PIWIL3: variants seen among roughly 807,000 people sequenced by gnomAD.
PIWIL3 encodes the protein piwi like RNA-mediated gene silencing 3, also known as piwi-like protein 3.
Under a neutral mutation model 109.7 loss-of-function variants are expected in PIWIL3, and 101 were observed. The observed-to-expected ratio is 0.92, with a 90% confidence interval of 0.78 to 1.09. PIWIL3 has a LOEUF of 1.09. Among genes scored for constraint, PIWIL3 ranks in the 50% least tolerant of loss-of-function variants. The probability of loss-of-function intolerance (pLI) is 0.00; values close to 1 mark genes in which losing one functional copy is unlikely to be tolerated. For synonymous variants in PIWIL3, 373 were observed against 376.4 expected (o/e 0.99, Z 0.10); for missense variants, 1,031 against 1,072.6 (o/e 0.96, Z 0.54).
At chr22:24,743,153 C>T (rs1385589511) in intron 12 of PIWIL3, among the ~76,000 whole-genome samples, 3 of 151,898 alleles carry the variant, frequency 2.0e-5, no homozygotes, top group Non-Finnish European at 2.9e-5. Context: ...AATGCAATAC[C>T]GCCTTACTCC....
intron 9 of PIWIL3, among the ~76,000 whole-genome samples, 179 bp from the exon 10 acceptor site, chr22:24,749,998 A>G (rs566892000): frequency 2.8e-4 from 43 of 152,352 alleles, no homozygotes; most frequent in Non-Finnish European, 4.7e-4. Context: ...TACCTTTGAT[A>G]TGCCACGGAT....
intron 1 of PIWIL3, among the ~76,000 whole-genome samples, chr22:24,770,460 T>C (rs551459987): frequency 2.6e-5 from 4 of 152,158 alleles, no homozygotes; most frequent in African/African-American, 7.2e-5. Context: ...CCCCAGACAC[T>C]CCTTGTACCA....
At chr22:24,737,686 G>C (rs896216488) in intron 12 of PIWIL3, among the ~76,000 whole-genome samples, 6 of 152,186 alleles carry the variant, frequency 3.9e-5, no homozygotes, top group African/African-American at 1.4e-4. Context: ...TGGCATTTCT[G>C]GACCTGCCTG....
chr22:24,748,109 A>C (rs1188227399), intron 12 of PIWIL3, among the ~76,000 whole-genome samples: 2 of 152,166 alleles, frequency 1.3e-5, no homozygotes, highest in African/African-American at 4.8e-5. Context: ...TAAAAAAAAC[A>C]ATGAGACCCT....
chr22:24,728,426 G>A (rs752520170), intron 14 of PIWIL3, 52 bp from the exon 15 acceptor site: 2 of 1,606,172 alleles, frequency 1.2e-6, no homozygotes, highest in South Asian at 2.2e-5. Flanking sequence ...CAGTGATACA[G>A]GAAAGAAAAA....
intron 12 of PIWIL3, among the ~76,000 whole-genome samples, chr22:24,738,289 C>A (rs5751967): frequency 0.64 from 97,882 of 151,866 alleles, 32,230 homozygotes; most frequent in East Asian, 0.82. Flanking sequence ...TGACTCCTGA[C>A]TGGCATTTCT....
rs1922979167 is a variant in PIWIL3, at chr22:24,726,121, GT to G, written c.2010-607del. 3.9e-5 allele frequency among the ~76,000 whole-genome samples: 6 copies of G among 152,268 alleles called. No individual in the cohort carries two copies. The South Asian group carries it at 1.2e-3, about 32-fold the overall frequency. ...TCGGCTCCACATTTTCACTGCTAGT[GT>G]CAGCATCTGAACATGGTAGCCACTC... On this transcript the variant is annotated intron_variant, in intron 16 of 20. Coordinates refer to ENST00000616349, the MANE Select transcript of PIWIL3 (RefSeq NM_001255975.1).
At chr22:24,750,192 G>C (rs1479117642) in intron 9 of PIWIL3, among the ~76,000 whole-genome samples, 1 of 152,060 alleles carries the variant, frequency 6.6e-6, no homozygotes, top group South Asian at 2.1e-4. Flanking sequence ...TTAAAGAGGG[G>C]CTGTAAGCCA....
At chr22:24,774,052 C>T (rs142882294) in intron 1 of PIWIL3, among the ~76,000 whole-genome samples, 1 of 152,272 alleles carries the variant, frequency 6.6e-6, no homozygotes, top group East Asian at 1.9e-4. Context: ...ACATACTCCA[C>T]ATGCTCAAAT....
At chr22:24,770,139 G>A (rs773773002) in intron 1 of PIWIL3, among the ~76,000 whole-genome samples, 5 of 152,198 alleles carry the variant, frequency 3.3e-5, no homozygotes, top group African/African-American at 1.2e-4. Context: ...GCATTTCATC[G>A]TAACAGCTTT....
chr22:24,738,623 A>C (rs1923802361), intron 12 of PIWIL3, among the ~76,000 whole-genome samples: 1 of 152,244 alleles, frequency 6.6e-6, no homozygotes. Flanking sequence ...CAAGATCATC[A>C]AGGTGATATC....
intron 9 of PIWIL3, among the ~76,000 whole-genome samples, chr22:24,750,789 A>G (rs1924663521): frequency 6.7e-6 from 1 of 148,866 alleles, no homozygotes; most frequent in Non-Finnish European, 1.5e-5. Context: ...CGCCCGGCCC[A>G]TATTTGATTA....
chr22:24,725,847 G>A (rs1461032704), intron 16 of PIWIL3, among the ~76,000 whole-genome samples: 1 of 150,278 alleles, frequency 6.7e-6, no homozygotes, highest in Non-Finnish European at 1.5e-5. Flanking sequence ...CCTGCTTTGG[G>A]ACCAATGCCC....
chr22:24,761,336 G>T (rs560728684), intron 2 of PIWIL3, among the ~76,000 whole-genome samples: 1 of 152,244 alleles, frequency 6.6e-6, no homozygotes, highest in East Asian at 1.9e-4. Context: ...AAGTGGGGGT[G>T]GTCAGTGATG....
In PIWIL3 at chr22:24,734,424, G is replaced by T. The variant is rs540576557; in HGVS notation, c.1635-268C>A. 3.3e-5 allele frequency among the ~76,000 whole-genome samples: 5 copies of T among 152,276 alleles called. No homozygotes were observed. The South Asian group carries it at 6.2e-4, about 19-fold the overall frequency. On this transcript the variant is annotated intron_variant, in intron 13 of 20. Transcript: ENST00000616349. ...CAGCTCTCCTAGGATTTTCAAGAGAGGTGAGGACACAGGGCAAATCACTGC... is the reference window on the plus strand; with the variant it reads ...CAGCTCTCCTAGGATTTTCAAGAGATGTGAGGACACAGGGCAAATCACTGC...
chr22:24,752,513 G>A (rs1487091283), intron 8 of PIWIL3, among the ~76,000 whole-genome samples: 1 of 152,038 alleles, frequency 6.6e-6, no homozygotes, highest in African/African-American at 2.4e-5. Flanking sequence ...ACCTCCTCAA[G>A]CCCCTCTATA....
rs577916793 is a variant in PIWIL3, at chr22:24,719,230, C to A, written c.*242G>T. 10 of 226,924 alleles carry A rather than the reference C, an allele frequency of 4.4e-5. No homozygotes were observed. Among genetic ancestry groups the A allele is most frequent in the Non-Finnish European group, 8.6e-5 (10 of 116,214 alleles). The allele number at this position is 226,924 out of a possible 1,614,324, so 14.1% of individuals were successfully genotyped here. A position where few individuals can be genotyped will look rare whatever the true frequency, so the allele number is the denominator to read the frequency against. On this transcript the variant is annotated 3_prime_UTR_variant, in exon 21 of 21. Transcript: ENST00000616349. ...GTTCAGTCACGTTCAGCTGTGAGAT[C>A]TCTGTCACATATTTGAAAGGGAAAC...
At chr22:24,742,415 T>C (rs1419947997) in intron 12 of PIWIL3, among the ~76,000 whole-genome samples, 1 of 151,992 alleles carries the variant, frequency 6.6e-6, no homozygotes, top group Non-Finnish European at 1.5e-5. Flanking sequence ...CCTAGATTCA[T>C]ATGGAACCAA....
chr22:24,719,435 T>C lies in PIWIL3; in HGVS notation c.*37A>G. ...TCAAAAGGAAGACAGGCTTACACGT[T>C]GTGGTTTCATTAGCACATCAGGTCT... On this transcript the variant is annotated 3_prime_UTR_variant, in exon 21 of 21. Coordinates refer to ENST00000616349, the MANE Select transcript of PIWIL3 (RefSeq NM_001255975.1). The C allele has an allele frequency of 7.0e-7, 1 of 1,424,150 alleles. No individual in the cohort carries two copies. The highest frequency in any genetic ancestry group is 1.3e-5 in the South Asian group (1 of 74,466). 88.2% of individuals were successfully genotyped at this position (1,424,150 alleles called of 1,614,324 possible).
Sources: allele counts gnomAD v4.1 joint callset (sites outside exome capture counted in the v4.1 genomes callset), GRCh38; gene constraint gnomAD v4.1.1; transcripts MANE v1.5; gene names NCBI Gene and HGNC (gene_info 2026-07-23, HGNC 2026-07-21).